Variants in MARCHF4 observed in about 807,000 individuals in gnomAD.
The protein encoded by MARCHF4 is membrane associated ring-CH-type finger 4, also known as E3 ubiquitin-protein ligase MARCHF4.
Under a neutral mutation model 43.9 loss-of-function variants are expected in MARCHF4, and 14 were observed. That is an observed-to-expected ratio of 0.32 (90% CI 0.21 to 0.50). The LOEUF is 0.50. MARCHF4 is among the 20% of genes least tolerant of loss of function. The pLI, the probability that MARCHF4 is intolerant of heterozygous loss-of-function variation, is 0.98. For missense variants in MARCHF4, 468 were observed against 536.7 expected, an observed-to-expected ratio of 0.87 and a Z score of 1.27; for synonymous variants, 226 against 213.3, an observed-to-expected ratio of 1.06 and a Z score of -0.52.
intron 1 of MARCHF4, among the ~76,000 whole-genome samples, chr2:216,350,122 A>G (rs768049201): frequency 2.6e-5 from 4 of 151,870 alleles, no homozygotes; most frequent in Non-Finnish European, 5.9e-5. Flanking sequence ...GCTATGCCAC[A>G]CGATGCCACG....
chr2:216,353,413 G>C (rs1402131442), intron 1 of MARCHF4, among the ~76,000 whole-genome samples: 1 of 152,148 alleles, frequency 6.6e-6, no homozygotes, highest in Non-Finnish European at 1.5e-5. Context: ...GGTGAAAAAA[G>C]GAAGAATTTA....
intron 1 of MARCHF4, among the ~76,000 whole-genome samples, chr2:216,304,386 G>C (rs1332552797): frequency 6.6e-6 from 1 of 151,998 alleles, no homozygotes. Flanking sequence ...GAATACCCAG[G>C]GATAAAGGGC....
intron 1 of MARCHF4, among the ~76,000 whole-genome samples, chr2:216,295,591 C>T (rs1384344056): frequency 6.6e-6 from 1 of 152,230 alleles, no homozygotes; most frequent in Admixed American, 6.5e-5. Flanking sequence ...CCTATCCATA[C>T]TTCATCCCTT....
At chr2:216,283,431 C>T (rs1691164346) in intron 2 of MARCHF4, 143 bp downstream of exon 2, 5 of 908,304 alleles carry the variant, frequency 5.5e-6, no homozygotes, top group African/African-American at 1.6e-5. Context: ...TGCCCCACGC[C>T]GCCCACCGTG....
At chr2:216,286,532 AAAG>A (rs1280593094) in intron 1 of MARCHF4, among the ~76,000 whole-genome samples, 4 of 151,432 alleles carry the variant, frequency 2.6e-5, no homozygotes, top group African/African-American at 7.3e-5. Context: ...AAAAAAAAAA[AAAG>A]AAGAAGAAGA....
intron 1 of MARCHF4, among the ~76,000 whole-genome samples, chr2:216,367,049 G>A (rs943468359): frequency 6.6e-6 from 1 of 152,150 alleles, no homozygotes; most frequent in Non-Finnish European, 1.5e-5. Flanking sequence ...CAAGCTGTTG[G>A]CAGGAAAAGA....
At chr2:216,310,085 A>C (rs1024247932) in intron 1 of MARCHF4, among the ~76,000 whole-genome samples, 1 of 88,688 alleles carries the variant, frequency 1.1e-5, no homozygotes, top group Non-Finnish European at 2.2e-5. Context: ...GTATAGAACC[A>C]CTGGGCCTAG....
At chr2:216,265,604 C>G (rs1559280952) in intron 3 of MARCHF4, 1 of 152,158 alleles carries the variant, frequency 6.6e-6, no homozygotes, top group African/African-American at 2.4e-5. Context: ...AAGTGATTCT[C>G]CCGCCTCAGC....
rs145114329 is a variant in MARCHF4, at chr2:216,353,783, A to G, written c.516+15962T>C. 4.6e-5 allele frequency among the ~76,000 whole-genome samples: 7 copies of G among 152,300 alleles called. No homozygotes were observed. The East Asian group carries it at 1.4e-3, about 29-fold the overall frequency. ...GACAGGTCTCAAACTCCTGACCTCA[A>G]GTGATGTGCCCACCTCGGCCTCCCA... On this transcript the variant is annotated intron_variant, in intron 1 of 3. Coordinates refer to ENST00000273067, the MANE Select transcript of MARCHF4 (RefSeq NM_020814.3).
At chr2:216,296,952 G>A (rs900693214) in intron 1 of MARCHF4, among the ~76,000 whole-genome samples, 10 of 152,156 alleles carry the variant, frequency 6.6e-5, no homozygotes, top group Admixed American at 5.9e-4. Flanking sequence ...TTGATGCCTC[G>A]TCGTTCTCAC....
At chr2:216,338,504 T>C (rs1692191009) in intron 1 of MARCHF4, among the ~76,000 whole-genome samples, 1 of 152,178 alleles carries the variant, frequency 6.6e-6, no homozygotes, top group African/African-American at 2.4e-5. Flanking sequence ...CCTTCCTCAG[T>C]GGTCGCAGTT....
Position 216,370,145 on chromosome 2 carries a change from T to G in MARCHF4, c.116A>C (p.Lys39Thr). The change falls in exon 1 of 4, where the codon AAG (lysine) becomes ACG (threonine). Residue 39 changes from lysine (K) to threonine (T), a missense_variant. This residue lies in a region of MARCHF4 where 190 missense variants were observed against 158.5 expected (regional missense o/e 1.20). Transcript: ENST00000273067. ...ATTGAAGAGCATGCGGCAGCGGCAC[T>G]TGAGGAGACCCTGGTGGCGCAACAT... is the stretch of plus-strand genomic sequence containing the variant. ...PQMLRHQGLL[K>T]CRCRMLFNDL... is the part of the protein sequence containing the mutation. The G allele has an allele frequency of 6.2e-7, 1 of 1,609,274 alleles. No individual in the cohort carries two copies. Among genetic ancestry groups the G allele is most frequent in the African/African-American group, 1.3e-5 (1 of 74,984 alleles).
At chr2:216,288,898 C>T (rs968729257) in intron 1 of MARCHF4, among the ~76,000 whole-genome samples, 2 of 151,968 alleles carry the variant, frequency 1.3e-5, no homozygotes, top group Non-Finnish European at 2.9e-5. Context: ...CATAGATTTA[C>T]AAAGACAAAA....
intron 1 of MARCHF4, among the ~76,000 whole-genome samples, chr2:216,362,558 C>T (rs1238894238): frequency 2.0e-5 from 3 of 152,168 alleles, no homozygotes; most frequent in Admixed American, 2.0e-4. Context: ...TGGACAGGTC[C>T]TGCAAAAATC....
intron 1 of MARCHF4, among the ~76,000 whole-genome samples, chr2:216,289,362 C>T (rs1040839907): frequency 1.3e-5 from 2 of 151,924 alleles, no homozygotes; most frequent in African/African-American, 4.8e-5. Context: ...CAGTGAATTG[C>T]CTTTCATTGA....
chr2:216,349,496 T>C (rs1375194301), intron 1 of MARCHF4, among the ~76,000 whole-genome samples: 1 of 152,140 alleles, frequency 6.6e-6, no homozygotes, highest in Non-Finnish European at 1.5e-5. Flanking sequence ...GTTTCACAGG[T>C]ACATAGTGAT....
chr2:216,259,528 G>A lies in MARCHF4; in HGVS notation c.1017C>T (p.Ser339=), dbSNP rs370767172. 28 of 1,614,062 alleles carry A rather than the reference G, an allele frequency of 1.7e-5. No individual in the cohort carries two copies. The highest frequency in any genetic ancestry group is 2.3e-5 in the Non-Finnish European group (27 of 1,180,018). Residue 339 remains serine (S), a synonymous_variant, in exon 4 of 4, where the codon TCC becomes TCT. Coordinates refer to ENST00000273067, the MANE Select transcript of MARCHF4 (RefSeq NM_020814.3). ...GGRTNPRTSS[S]TQANIPSSEE... ...CCGAGGAGGGGATATTGGCCTGGGTGGATGAGGAGGTCCGGGGGTTGGTCC... is the reference window on the plus strand; with the variant it reads ...CCGAGGAGGGGATATTGGCCTGGGTAGATGAGGAGGTCCGGGGGTTGGTCC...
At chr2:216,336,066 TAAAA>T (rs34216672) in intron 1 of MARCHF4, among the ~76,000 whole-genome samples, 1 of 60,622 alleles carries the variant, frequency 1.6e-5, no homozygotes, top group South Asian at 7.2e-4. Context: ...AGACTCTGTC[TAAAA>T]AAAAAAAAAA....
intron 1 of MARCHF4, among the ~76,000 whole-genome samples, chr2:216,356,242 A>G (rs1574487138): frequency 1.3e-5 from 2 of 152,200 alleles, no homozygotes; most frequent in African/African-American, 4.8e-5. Context: ...TGAAGGGCCC[A>G]TATTGGGGAA....
Sources: gnomAD v4.1 joint callset for allele counts (sites outside exome capture counted in the v4.1 genomes callset) on GRCh38, gnomAD v4.1.1 for gene constraint, gnomAD v4.1.1 regional missense constraint, MANE v1.5 for transcripts, NCBI Gene and HGNC (gene_info 2026-07-23, HGNC 2026-07-21) for gene names.